Variants in HIVEP3 observed in about 807,000 individuals in gnomAD.
The protein encoded by HIVEP3 is HIVEP zinc finger 3.
HIVEP3 carries 49 observed loss-of-function variants against 152.8 expected under a neutral mutation model. The observed-to-expected ratio is 0.32, with a 90% confidence interval of 0.26 to 0.41. The LOEUF is 0.41. Ranked by LOEUF, HIVEP3 falls within the 10% of genes least tolerant of loss-of-function variation. The probability of loss-of-function intolerance (pLI) is 1.00; values close to 1 mark genes in which losing one functional copy is unlikely to be tolerated. For synonymous variants in HIVEP3, 1,269 were observed against 1,289.0 expected (o/e 0.98, Z 0.33); for missense variants, 2,790 against 3,103.3 (o/e 0.90, Z 2.40).
At chr1:41,874,300 T>C (rs1251858386) in intron 1 of HIVEP3, among the ~76,000 whole-genome samples, 3 of 152,254 alleles carry the variant, frequency 2.0e-5, no homozygotes, top group South Asian at 2.1e-4. Context: ...GGGATGTTCA[T>C]GTTCGTCTGG....
intron 2 of HIVEP3, among the ~76,000 whole-genome samples, chr1:41,700,070 G>A (rs536812948): frequency 2.0e-4 from 31 of 152,222 alleles, no homozygotes; most frequent in African/African-American, 6.0e-4. Flanking sequence ...CAGTTCAAGC[G>A]TCAACTTTAA....
intron 1 of HIVEP3, among the ~76,000 whole-genome samples, chr1:41,760,820 G>A (rs1309788450): frequency 1.3e-5 from 2 of 152,102 alleles, no homozygotes; most frequent in African/African-American, 4.8e-5. Flanking sequence ...CAGTGACAAG[G>A]CCCAGCCACC....
At chr1:41,952,268 T>C (rs1187929503) in intron 1 of HIVEP3, among the ~76,000 whole-genome samples, 1 of 152,212 alleles carries the variant, frequency 6.6e-6, no homozygotes, top group Non-Finnish European at 1.5e-5. Context: ...TTTCCTCCCA[T>C]TCTCTATCAC....
intron 1 of HIVEP3, among the ~76,000 whole-genome samples, chr1:41,801,937 G>A (rs1650333843): frequency 1.3e-5 from 2 of 152,160 alleles, no homozygotes; most frequent in Admixed American, 6.5e-5. Context: ...CAAGGAGTGG[G>A]GGGCAGGGGA....
At position 41,554,546 on chromosome 1, in the gene HIVEP3, G is replaced by A. The variant is rs147217385; in HGVS notation, c.5207+20998C>T. Among the ~76,000 whole-genome samples the A allele has an allele frequency of 9.6e-3, 1,456 of 152,274 alleles. 23 individuals carry two copies. Among genetic ancestry groups the A allele is most frequent in the African/African-American group, 0.033 (1,374 of 41,546 alleles). The stretch of plus-strand genomic sequence containing the variant: ...TTTTCCTTTGCTGGCAAGGAGCTGC[G>A]ATCCTTTGGAGGAGAAGAGGCACTC... On this transcript the variant is annotated intron_variant, in intron 5 of 8. Coordinates refer to ENST00000372583, the MANE Select transcript of HIVEP3 (RefSeq NM_024503.5).
chr1:41,657,023 A>G (rs981638153), intron 2 of HIVEP3, among the ~76,000 whole-genome samples: 2 of 152,204 alleles, frequency 1.3e-5, no homozygotes, highest in Admixed American at 1.3e-4. Flanking sequence ...CAACTTGCAC[A>G]TGGCCACGTG....
At chr1:41,704,181 C>T (rs1558194185) in intron 1 of HIVEP3, among the ~76,000 whole-genome samples, 1 of 152,246 alleles carries the variant, frequency 6.6e-6, no homozygotes, top group East Asian at 1.9e-4. Flanking sequence ...ACAGGATCAA[C>T]AGCAGCTCAT....
intron 2 of HIVEP3, among the ~76,000 whole-genome samples, chr1:41,699,147 C>T (rs79570899): frequency 0.033 from 4,979 of 152,334 alleles, 109 homozygotes; most frequent in Non-Finnish European, 0.049. Context: ...AGGGAAGCCC[C>T]GAAAGTAAGT....
intron 1 of HIVEP3, among the ~76,000 whole-genome samples, chr1:41,999,204 T>A (rs1404331317): frequency 6.6e-6 from 1 of 152,060 alleles, no homozygotes; most frequent in Non-Finnish European, 1.5e-5. Flanking sequence ...ATAATACTTT[T>A]TTCTAAGTAT....
chr1:41,610,578 G>A (rs1558113592), intron 3 of HIVEP3, among the ~76,000 whole-genome samples: 1 of 152,194 alleles, frequency 6.6e-6, no homozygotes, highest in Non-Finnish European at 1.5e-5. Context: ...CAGGCTAACA[G>A]CACTGCTCCT....
chr1:41,532,828 A>G (rs1271338207), intron 5 of HIVEP3, among the ~76,000 whole-genome samples: 1 of 152,188 alleles, frequency 6.6e-6, no homozygotes, highest in East Asian at 1.9e-4. Context: ...AGTGGGACTG[A>G]GAAGGGGATA....
At chr1:41,956,227 C>T (rs1266685425) in intron 1 of HIVEP3, among the ~76,000 whole-genome samples, 1 of 152,214 alleles carries the variant, frequency 6.6e-6, no homozygotes, top group Non-Finnish European at 1.5e-5. Context: ...AAATATTTTG[C>T]ATCTGTTGAG....
At chr1:41,658,011 AG>A (rs1369994808) in intron 2 of HIVEP3, among the ~76,000 whole-genome samples, 6 of 152,300 alleles carry the variant, frequency 3.9e-5, no homozygotes, top group Non-Finnish European at 8.8e-5. Flanking sequence ...TCAGACAATC[AG>A]GGTGGAACTT....
At chr1:41,812,424 A>C (rs748971109) in intron 1 of HIVEP3, among the ~76,000 whole-genome samples, 14 of 152,202 alleles carry the variant, frequency 9.2e-5, no homozygotes, top group Non-Finnish European at 1.3e-4. Flanking sequence ...AGAACAGAGC[A>C]AGACTGTCTT....
At chr1:41,600,703 A>G (rs1423097296) in intron 3 of HIVEP3, among the ~76,000 whole-genome samples, 1 of 152,206 alleles carries the variant, frequency 6.6e-6, no homozygotes, top group East Asian at 1.9e-4. Context: ...TTTTACCACA[A>G]TTTTTAAAAT....
At chr1:41,692,443 C>G (rs987731840) in intron 2 of HIVEP3, among the ~76,000 whole-genome samples, 15 of 152,288 alleles carry the variant, frequency 9.8e-5, no homozygotes, top group Admixed American at 2.0e-4. Flanking sequence ...GCCACTGGCC[C>G]TGAGTTCAAT....
At chr1:41,594,645 G>T (rs925902022) in intron 3 of HIVEP3, among the ~76,000 whole-genome samples, 1 of 152,236 alleles carries the variant, frequency 6.6e-6, no homozygotes, top group Non-Finnish European at 1.5e-5. Flanking sequence ...TTTTGATATT[G>T]AAGCTATTGA....
intron 7 of HIVEP3, 53 bp downstream of exon 7, chr1:41,518,349 G>A (rs1642666120): frequency 6.8e-7 from 1 of 1,469,540 alleles, no homozygotes; most frequent in Non-Finnish European, 9.5e-7. Context: ...GGTGGAGGAG[G>A]ATAGGGAAAG....
At chr1:41,577,284 T>C (rs1644340909) in intron 4 of HIVEP3, among the ~76,000 whole-genome samples, 1 of 152,238 alleles carries the variant, frequency 6.6e-6, no homozygotes, top group Admixed American at 6.5e-5. Flanking sequence ...TCCGCATGTC[T>C]TAACTCATTT....
Sources: allele counts gnomAD v4.1 joint callset (sites outside exome capture counted in the v4.1 genomes callset), GRCh38; gene constraint gnomAD v4.1.1; transcripts MANE v1.5; gene names NCBI Gene and HGNC (gene_info 2026-07-23, HGNC 2026-07-21).